LRRC4C: variants seen among roughly 807,000 people sequenced by gnomAD.
LRRC4C encodes leucine rich repeat containing 4C, also known as leucine-rich repeat-containing protein 4C.
In LRRC4C, 5 loss-of-function variants were observed where a neutral mutation model predicts 33.6. That is an observed-to-expected ratio of 0.15 (90% CI 0.08 to 0.31). The LOEUF (loss-of-function observed/expected upper bound fraction) is 0.31, where lower values mean the gene tolerates loss of function less well. Among genes scored for constraint, LRRC4C ranks in the 10% least tolerant of loss-of-function variants. The probability of loss-of-function intolerance (pLI) is 1.00; values close to 1 mark genes in which losing one functional copy is unlikely to be tolerated. For synonymous variants in LRRC4C, 329 were observed against 302.0 expected (o/e 1.09, Z -0.93); for missense variants, 560 against 796.7 (o/e 0.70, Z 3.58).
At chr11:40,315,048 GA>G (rs1394950709) in intron 4 of LRRC4C, among the ~76,000 whole-genome samples, 1 of 151,958 alleles carries the variant, frequency 6.6e-6, no homozygotes, top group Non-Finnish European at 1.5e-5. Flanking sequence ...CTAAAAAGAG[GA>G]TATTGAATGC....
intron 4 of LRRC4C, among the ~76,000 whole-genome samples, chr11:40,264,319 T>C (rs1040181607): frequency 6.6e-6 from 1 of 152,220 alleles, no homozygotes; most frequent in African/African-American, 2.4e-5. Context: ...AAATTTCTTA[T>C]AGTTGCTGGG....
At chr11:40,915,376 C>T (rs908630810) in intron 2 of LRRC4C, among the ~76,000 whole-genome samples, 3 of 152,038 alleles carry the variant, frequency 2.0e-5, no homozygotes, top group African/African-American at 7.2e-5. Context: ...GAACAGAGCC[C>T]TCAGAAATAA....
chr11:40,828,758 G>A (rs898471141), intron 2 of LRRC4C, among the ~76,000 whole-genome samples: 5 of 151,742 alleles, frequency 3.3e-5, no homozygotes, highest in Non-Finnish European at 5.9e-5. Context: ...AAAACAAAGG[G>A]CTTGTACTAG....
At chr11:40,670,505 A>T (rs1048047772) in intron 2 of LRRC4C, among the ~76,000 whole-genome samples, 1 of 152,222 alleles carries the variant, frequency 6.6e-6, no homozygotes, top group Non-Finnish European at 1.5e-5. Flanking sequence ...TGCCTAAAAT[A>T]TGGACTTTCC....
chr11:40,986,266 T>A lies in LRRC4C; in HGVS notation c.-495-52543A>T, dbSNP rs536767119. ...AGTTGGTAAAGAAATGTCTGACTCA[T>A]GAGTTTAAAAGGTGAAAAGTCCAAA... On this transcript the variant is annotated intron_variant, in intron 1 of 6. Transcript: ENST00000528697. Among the ~76,000 whole-genome samples, 6 of 152,180 alleles carry A rather than the reference T, an allele frequency of 3.9e-5. No homozygotes were observed. The East Asian group carries it at 1.2e-3, about 29-fold the overall frequency.
chr11:40,345,838 TAAAC>T (rs773891471), intron 3 of LRRC4C, among the ~76,000 whole-genome samples: 40 of 151,738 alleles, frequency 2.6e-4, no homozygotes, highest in Non-Finnish European at 2.5e-4. Flanking sequence ...GTGAGGAACT[TAAAC>T]AAATTCACAA....
At chr11:40,361,623 A>G (rs539268997) in intron 3 of LRRC4C, among the ~76,000 whole-genome samples, 6 of 152,334 alleles carry the variant, frequency 3.9e-5, no homozygotes, top group African/African-American at 9.6e-5. Flanking sequence ...ACGAAAAAAC[A>G]TTCCATGCTC....
At chr11:40,382,684 ATTTTTTTTTTTTTTT>A (rs35200000) in intron 3 of LRRC4C, among the ~76,000 whole-genome samples, 2 of 65,546 alleles carry the variant, frequency 3.1e-5, no homozygotes, top group African/African-American at 6.4e-5. Flanking sequence ...ACTTGTACTC[ATTTTTTTTTTTTTTT>A]TTTTTTTTTT....
chr11:41,127,709 C>T (rs539772593), intron 1 of LRRC4C, among the ~76,000 whole-genome samples: 2 of 143,914 alleles, frequency 1.4e-5, no homozygotes, highest in South Asian at 2.4e-4. Context: ...GTTTAATTGC[C>T]GTGCTTGAGT....
chr11:41,182,376 G>T (rs1176559743), intron 1 of LRRC4C, among the ~76,000 whole-genome samples: 2 of 152,054 alleles, frequency 1.3e-5, no homozygotes, highest in African/African-American at 4.8e-5. Context: ...GAAATTTCAG[G>T]CCATATGAAA....
intron 3 of LRRC4C, among the ~76,000 whole-genome samples, chr11:40,520,469 C>A (rs184805553): frequency 6.6e-6 from 1 of 152,034 alleles, no homozygotes; most frequent in Admixed American, 6.6e-5. Context: ...AAATATTATT[C>A]TATTTCAGAA....
chr11:41,133,221 C>T (rs953498809), intron 1 of LRRC4C, among the ~76,000 whole-genome samples: 1 of 152,088 alleles, frequency 6.6e-6, no homozygotes, highest in Non-Finnish European at 1.5e-5. Context: ...ATCTCCATGG[C>T]ACTAGGCTAA....
At chr11:41,237,336 C>T (rs775403622) in intron 1 of LRRC4C, among the ~76,000 whole-genome samples, 8 of 152,148 alleles carry the variant, frequency 5.3e-5, no homozygotes, top group East Asian at 1.9e-4. Context: ...GGAATTAATG[C>T]CCAGGTATAG....
chr11:41,371,303 T>C (rs1591371826), intron 1 of LRRC4C, among the ~76,000 whole-genome samples: 1 of 152,246 alleles, frequency 6.6e-6, no homozygotes, highest in East Asian at 1.9e-4. Context: ...GGAAGACAGA[T>C]GAAGACACAA....
chr11:41,144,680 C>T (rs1943655066), intron 1 of LRRC4C, among the ~76,000 whole-genome samples: 1 of 152,034 alleles, frequency 6.6e-6, no homozygotes, highest in Non-Finnish European at 1.5e-5. Context: ...TCCCGTAATG[C>T]CACTTCAACT....
chr11:40,216,971 T>G (rs1249268981), intron 5 of LRRC4C, among the ~76,000 whole-genome samples: 3 of 152,184 alleles, frequency 2.0e-5, no homozygotes, highest in Admixed American at 6.6e-5. Flanking sequence ...ATTAGGCAGC[T>G]AATTAATTTT....
chr11:40,481,420 CTATTT>C (rs1953556813), intron 3 of LRRC4C, among the ~76,000 whole-genome samples: 1 of 152,044 alleles, frequency 6.6e-6, no homozygotes, highest in African/African-American at 2.4e-5. Flanking sequence ...AAATATAACA[CTATTT>C]CAGTGCTTAA....
chr11:41,018,390 T>C (rs151283257), intron 1 of LRRC4C, among the ~76,000 whole-genome samples: 253 of 150,878 alleles, frequency 1.7e-3, no homozygotes, highest in African/African-American at 6.0e-3. Context: ...CAGCTACTTT[T>C]TGACAACCAC....
intron 1 of LRRC4C, among the ~76,000 whole-genome samples, chr11:41,076,481 G>C (rs935345872): frequency 1.1e-4 from 16 of 152,206 alleles, no homozygotes; most frequent in Admixed American, 7.2e-4. Flanking sequence ...GAGCAGGAGA[G>C]CGAGAGAGTG....
Sources: gnomAD v4.1 joint callset for allele counts (sites outside exome capture counted in the v4.1 genomes callset) on GRCh38, gnomAD v4.1.1 for gene constraint, MANE v1.5 for transcripts, NCBI Gene and HGNC (gene_info 2026-07-23, HGNC 2026-07-21) for gene names.